MOXD1: variants seen among roughly 807,000 people sequenced by gnomAD.
MOXD1 encodes DBH-like monooxygenase protein 1.
In MOXD1, 62 loss-of-function variants were observed where a neutral mutation model predicts 66.6. That is an observed-to-expected ratio of 0.93 (90% CI 0.76 to 1.15). The LOEUF (loss-of-function observed/expected upper bound fraction) is 1.15, where lower values mean the gene tolerates loss of function less well. MOXD1 is among the 50% of genes most tolerant of loss of function. The pLI is 0.00. For missense variants in MOXD1, 847 were observed against 754.6 expected, an observed-to-expected ratio of 1.12 and a Z score of -1.44; for synonymous variants, 303 against 281.9, an observed-to-expected ratio of 1.07 and a Z score of -0.75.
intron 4 of MOXD1, among the ~76,000 whole-genome samples, chr6:132,366,037 T>C (rs565315612): frequency 6.6e-6 from 1 of 152,262 alleles, no homozygotes; most frequent in African/African-American, 2.4e-5. Flanking sequence ...TAGCATAACT[T>C]TTTCTCTAGA....
At chr6:132,382,291 G>T (rs1216343648) in intron 1 of MOXD1, among the ~76,000 whole-genome samples, 10 of 151,988 alleles carry the variant, frequency 6.6e-5, no homozygotes, top group Admixed American at 6.6e-4. Flanking sequence ...GAAAAAAGTA[G>T]ATGTTTTTTA....
rs544002886 is a variant in MOXD1, at chr6:132,322,392, A to C, written c.1305+287T>G. Among the ~76,000 whole-genome samples, 352 of 152,372 alleles carry C rather than the reference A, an allele frequency of 2.3e-3. 1 individual carries two copies. Among genetic ancestry groups the C allele is most frequent in the African/African-American group, 8.0e-3 (331 of 41,588 alleles). ...ACTAACTGGAATGTCAAGTATAAAA[A>C]AAGAGTAATGTTTAGTCCTCAGAAC... On this transcript the variant is annotated intron_variant, in intron 8 of 11. Coordinates refer to ENST00000367963, the MANE Select transcript of MOXD1 (RefSeq NM_015529.4).
intron 1 of MOXD1, among the ~76,000 whole-genome samples, chr6:132,393,945 T>C (rs1170698700): frequency 6.6e-6 from 1 of 152,194 alleles, no homozygotes; most frequent in Non-Finnish European, 1.5e-5. Context: ...ACTGACCACT[T>C]GGGTTCCAGA....
intron 4 of MOXD1, among the ~76,000 whole-genome samples, chr6:132,346,346 A>G (rs1775668374): frequency 6.6e-6 from 1 of 152,138 alleles, no homozygotes; most frequent in Non-Finnish European, 1.5e-5. Flanking sequence ...GCAATTTTAA[A>G]TAAAGTATAT....
At chr6:132,385,426 T>C (rs1434069037) in intron 1 of MOXD1, among the ~76,000 whole-genome samples, 1 of 151,122 alleles carries the variant, frequency 6.6e-6, no homozygotes, top group Admixed American at 6.6e-5. Context: ...TCAAAACTTA[T>C]ACATAACAAC....
chr6:132,397,398 G>A (rs1357874519), intron 1 of MOXD1, among the ~76,000 whole-genome samples: 2 of 152,134 alleles, frequency 1.3e-5, no homozygotes, highest in Non-Finnish European at 2.9e-5. Flanking sequence ...AAAAGAAATG[G>A]GACTTGCTTC....
chr6:132,362,130 T>C (rs1026471768), intron 4 of MOXD1, among the ~76,000 whole-genome samples: 8 of 152,186 alleles, frequency 5.3e-5, no homozygotes, highest in African/African-American at 1.4e-4. Flanking sequence ...ATTGTTTCCA[T>C]TGAAAATAGA....
At chr6:132,348,387 T>G (rs1280169817) in intron 4 of MOXD1, among the ~76,000 whole-genome samples, 1 of 152,232 alleles carries the variant, frequency 6.6e-6, no homozygotes, top group Non-Finnish European at 1.5e-5. Context: ...GTGTTCCCAC[T>G]GGGTACTCAA....
chr6:132,335,618 C>G (rs146150008), intron 4 of MOXD1, among the ~76,000 whole-genome samples: 3 of 152,284 alleles, frequency 2.0e-5, no homozygotes, highest in Admixed American at 6.5e-5. Flanking sequence ...TTGGAAGGAA[C>G]CTGGCCCTGC....
At chr6:132,355,708 A>C (rs1270043581) in intron 4 of MOXD1, among the ~76,000 whole-genome samples, 1 of 152,046 alleles carries the variant, frequency 6.6e-6, no homozygotes, top group Non-Finnish European at 1.5e-5. Flanking sequence ...TGCATACCCA[A>C]CCCAAGCTGG....
At chr6:132,347,075 A>G (rs1056971033) in intron 4 of MOXD1, among the ~76,000 whole-genome samples, 2 of 152,214 alleles carry the variant, frequency 1.3e-5, no homozygotes, top group African/African-American at 4.8e-5. Context: ...TGTACCAAGG[A>G]CATTACACAA....
At chr6:132,391,008 CAGG>C (rs1776748919) in intron 1 of MOXD1, 1 of 151,482 alleles carries the variant, frequency 6.6e-6, no homozygotes, top group South Asian at 2.1e-4. Context: ...AGTTTGCTTT[CAGG>C]AGAAGAAGAG....
At position 132,322,738 on chromosome 6, in the gene MOXD1, C is replaced by A; in HGVS notation, c.1246G>T (p.Asp416Tyr). Residue 416 changes from aspartate (D) to tyrosine (Y), a missense_variant, in exon 8 of 12, where the codon GAT becomes TAT. Coordinates refer to ENST00000367963, the MANE Select transcript of MOXD1 (RefSeq NM_015529.4). ...AACTCCTGGAAATTGAAGTCAAAAT[C>A]ATCATCATAGGCAAGTAATTTCATT... ...KEMKLLAYDD[D>Y]FDFNFQEFQY... 1.2e-6 allele frequency: 2 copies of A among 1,614,038 alleles called. No homozygotes were observed. Among genetic ancestry groups the A allele is most frequent in the Non-Finnish European group, 1.7e-6 (2 of 1,179,958 alleles).
chr6:132,379,270 G>C (rs901068926), intron 1 of MOXD1, among the ~76,000 whole-genome samples: 3 of 151,986 alleles, frequency 2.0e-5, no homozygotes, highest in Admixed American at 6.6e-5. Context: ...ACCATATGAT[G>C]AACCCAATAA....
Position 132,322,790 on chromosome 6 carries a change from C to T in MOXD1, c.1194G>A (p.Arg398=). The T allele has an allele frequency of 6.2e-6, 10 of 1,614,054 alleles. No individual in the cohort carries two copies. Among genetic ancestry groups the T allele is most frequent in the Non-Finnish European group, 8.5e-6 (10 of 1,179,980 alleles). ...CCTTCCCTTTTCGAAAATGACGCAG[C>T]CTGATGCCTCTGCCAGCCAGGTGAG... The part of the protein sequence containing the change: ...LHAHLAGRGI[R]LRHFRKGKEM... Residue 398 remains arginine, a synonymous_variant, in exon 8 of 12, where the codon AGG becomes AGA. Transcript: ENST00000367963.
At chr6:132,386,783 C>A (rs1445409350) in intron 1 of MOXD1, among the ~76,000 whole-genome samples, 1 of 151,424 alleles carries the variant, frequency 6.6e-6, no homozygotes, top group African/African-American at 2.4e-5. Context: ...ATCTCACAAT[C>A]TTACAAGGCA....
intron 1 of MOXD1, chr6:132,392,217 C>T: frequency 6.3e-7 from 1 of 1,597,670 alleles, no homozygotes. Context: ...AGCACTTCCT[C>T]AGCAAGTGGC....
At chr6:132,385,139 A>G (rs1466933883) in intron 1 of MOXD1, among the ~76,000 whole-genome samples, 1 of 152,190 alleles carries the variant, frequency 6.6e-6, no homozygotes, top group African/African-American at 2.4e-5. Flanking sequence ...ACTGGAGCTA[A>G]AGCTAACAAG....
rs1392220169 is a variant in MOXD1, at chr6:132,303,702, T to TACACACACAC, written c.1509-5748_1509-5747insGTGTGTGTGT. Among the ~76,000 whole-genome samples, 22 of 72,192 alleles carry TACACACACAC rather than the reference T, an allele frequency of 3.0e-4. 1 individual carries two copies. The highest frequency in any genetic ancestry group is 2.5e-3 in the African/African-American group (22 of 8,832). 47.4% of individuals were successfully genotyped at this position (72,192 alleles called of 152,430 possible). A position where few individuals can be genotyped will look rare whatever the true frequency, so the allele number is the denominator to read the frequency against. On this transcript the variant is annotated intron_variant, in intron 10 of 11. Transcript: ENST00000367963. Reference sequence around the variant, plus strand: ...ATCTGGGAAAGCAGAGGGCTGACTGTATACATACACACACACACACACACA... The same window carrying TACACACACAC: ...ATCTGGGAAAGCAGAGGGCTGACTGTACACACACACATACATACACACACACACACACACA...
Sources: gnomAD v4.1 joint callset for allele counts (sites outside exome capture counted in the v4.1 genomes callset) on GRCh38, gnomAD v4.1.1 for gene constraint, MANE v1.5 for transcripts, NCBI Gene and HGNC (gene_info 2026-07-23, HGNC 2026-07-21) for gene names.